Variants in RASGEF1C observed in about 807,000 individuals in gnomAD.
The protein encoded by RASGEF1C is RasGEF domain family member 1C.
RASGEF1C carries 27 observed loss-of-function variants against 58.1 expected under a neutral mutation model. The observed-to-expected ratio is 0.46, with a 90% confidence interval of 0.34 to 0.64. The LOEUF (loss-of-function observed/expected upper bound fraction) is 0.64. Ranked by LOEUF, RASGEF1C falls within the 30% of genes least tolerant of loss-of-function variation. RASGEF1C has a pLI of 0.01. For synonymous variants in RASGEF1C, 243 were observed against 246.3 expected, an observed-to-expected ratio of 0.99 and a Z score of 0.13; for missense variants, 502 against 605.1, an observed-to-expected ratio of 0.83 and a Z score of 1.79.
chr5:180,137,998 G>T lies in RASGEF1C; in HGVS notation c.55C>A (p.Pro19Thr). Reference protein sequence around the residue: ...DMVTPGSLSPPPTEPTDGEQA... With the variant: ...DMVTPGSLSPTPTEPTDGEQA... ...TCGCCATCTGTGGGCTCGGTGGGGG[G>T]TGGGCTGAGGCTGCCTGGGGTGACC... Residue 19 changes from proline (P) to threonine (T), a missense_variant, in exon 2 of 14, where the codon CCC becomes ACC. Pro to Thr is a conservative substitution (Grantham distance 38). Transcript: ENST00000361132. The surrounding 1 kb of genome is among the most constrained non-coding windows in gnomAD (Gnocchi z 4.1). 2 of 1,578,288 alleles carry T rather than the reference G, an allele frequency of 1.3e-6. No individual in the cohort carries two copies. The highest frequency in any genetic ancestry group is 1.7e-6 in the Non-Finnish European group (2 of 1,168,342).
intron 1 of RASGEF1C, among the ~76,000 whole-genome samples, chr5:180,162,003 T>G (rs1766951779): frequency 6.6e-6 from 1 of 152,228 alleles, no homozygotes; most frequent in Non-Finnish European, 1.5e-5. Flanking sequence ...AAAGCAAGTT[T>G]GAGACAAATT....
chr5:180,175,721 C>T (rs577580836), intron 1 of RASGEF1C, among the ~76,000 whole-genome samples: 133 of 152,340 alleles, frequency 8.7e-4, no homozygotes, highest in African/African-American at 3.1e-3. Flanking sequence ...TTCAAAGGGC[C>T]GGGCGCGGTG....
intron 1 of RASGEF1C, among the ~76,000 whole-genome samples, chr5:180,174,583 C>T (rs4700903): frequency 0.22 from 31,683 of 146,992 alleles, 3,310 homozygotes; most frequent in Admixed American, 0.23. Flanking sequence ...TCTGTGTGTG[C>T]GCACGTGTGT....
chr5:180,132,901 G>A (rs1332427922), intron 4 of RASGEF1C, among the ~76,000 whole-genome samples: 1 of 151,760 alleles, frequency 6.6e-6, no homozygotes, highest in Non-Finnish European at 1.5e-5. Context: ...CCCAGGAGGT[G>A]GTGGTGGCAG....
chr5:180,103,286 C>T (rs960996533), intron 12 of RASGEF1C, among the ~76,000 whole-genome samples: 4 of 152,162 alleles, frequency 2.6e-5, no homozygotes, highest in South Asian at 2.1e-4. Context: ...ACCGTGTTAG[C>T]CAGGATGGTC....
Position 180,156,640 on chromosome 5 carries a change from C to T in RASGEF1C, c.-6-18582G>A, listed in dbSNP as rs757595732. ...CTAAAAAATTAGCTGGGCATGGTGGCGTGCATCTGCAGTCCCAGCTACTTG... is the reference window on the plus strand; with the variant it reads ...CTAAAAAATTAGCTGGGCATGGTGGTGTGCATCTGCAGTCCCAGCTACTTG... On this transcript the variant is annotated intron_variant, in intron 1 of 13. Coordinates refer to ENST00000361132, the MANE Select transcript of RASGEF1C (RefSeq NM_175062.4). The surrounding 1 kb of genome is among the most constrained non-coding windows in gnomAD (Gnocchi z 4.9). Among the ~76,000 whole-genome samples the T allele has an allele frequency of 6.6e-6, 1 of 151,950 alleles. No individual in the cohort carries two copies. The highest frequency in any genetic ancestry group is 2.1e-4 in the South Asian group (1 of 4,814).
At chr5:180,167,231 C>T (rs1561748825) in intron 1 of RASGEF1C, among the ~76,000 whole-genome samples, 2 of 152,200 alleles carry the variant, frequency 1.3e-5, no homozygotes, top group Non-Finnish European at 2.9e-5. Context: ...GCTATTGTCC[C>T]CCAGAGGCCT....
intron 1 of RASGEF1C, among the ~76,000 whole-genome samples, chr5:180,172,720 G>A (rs1251545141): frequency 6.6e-6 from 1 of 152,088 alleles, no homozygotes; most frequent in Non-Finnish European, 1.5e-5. Context: ...GGGAGGCCAG[G>A]CCACCTCTGC....
intron 1 of RASGEF1C, among the ~76,000 whole-genome samples, chr5:180,157,406 G>C (rs1470789286): frequency 6.6e-6 from 1 of 152,060 alleles, no homozygotes; most frequent in Non-Finnish European, 1.5e-5. Flanking sequence ...CGGATCACCT[G>C]AGGTCGGGAG....
chr5:180,155,472 T>C lies in RASGEF1C; in HGVS notation c.-6-17414A>G, dbSNP rs949518381. Among the ~76,000 whole-genome samples the C allele has an allele frequency of 2.6e-5, 4 of 152,078 alleles. No individual in the cohort carries two copies. Among genetic ancestry groups the C allele is most frequent in the Admixed American group, 6.6e-5 (1 of 15,262 alleles). On this transcript the variant is annotated intron_variant, in intron 1 of 13. Coordinates refer to ENST00000361132, the MANE Select transcript of RASGEF1C (RefSeq NM_175062.4). The surrounding 1 kb of genome is among the most constrained non-coding windows in gnomAD (Gnocchi z 5.2). ...TTCAGGAGGGCAACGCGCTTGGCTGTGAGGGGAGGATTGGCCTGAGTTATT... is the reference window on the plus strand; with the variant it reads ...TTCAGGAGGGCAACGCGCTTGGCTGCGAGGGGAGGATTGGCCTGAGTTATT...
chr5:180,206,621 G>T (rs1172440244), intron 1 of RASGEF1C, among the ~76,000 whole-genome samples: 1 of 152,036 alleles, frequency 6.6e-6, no homozygotes, highest in Non-Finnish European at 1.5e-5. Flanking sequence ...TAACAATATA[G>T]GTGCAAAGTT....
At chr5:180,192,692 T>C (rs187786099) in intron 1 of RASGEF1C, among the ~76,000 whole-genome samples, 340 of 152,172 alleles carry the variant, frequency 2.2e-3, no homozygotes, top group Middle Eastern at 6.8e-3. Flanking sequence ...GTAGAAATGA[T>C]AATAGGTTGG....
In RASGEF1C at chr5:180,203,849, C is replaced by T. The variant is rs555104109; in HGVS notation, c.-7+5179G>A. 1.5e-4 allele frequency among the ~76,000 whole-genome samples: 23 copies of T among 152,070 alleles called. No homozygotes were observed. In the South Asian group the frequency reaches 2.5e-3, roughly 17 times the overall value. Reference sequence around the variant, plus strand: ...ATCTCTACCAAAAATATAACTTAACCGGGCATGGTGGTGCACGCCTGTAAT... The same window carrying T: ...ATCTCTACCAAAAATATAACTTAACTGGGCATGGTGGTGCACGCCTGTAAT... On this transcript the variant is annotated intron_variant, in intron 1 of 13. Transcript: ENST00000361132.
chr5:180,128,548 G>A lies in RASGEF1C; in HGVS notation c.501C>T (p.Arg167=). Reference sequence around the variant, plus strand: ...CACCCACCAGACCTTCTGGCCCCTGGCGCAGAGCCGCCAGCTTCTGGTGCA... The same window carrying A: ...CACCCACCAGACCTTCTGGCCCCTGACGCAGAGCCGCCAGCTTCTGGTGCA... ...QALHQKLAAL[R]QGPEGLVGAD... is the part of the protein sequence containing the mutation. Residue 167 remains arginine, a synonymous_variant, in exon 5 of 14, where the codon CGC becomes CGT. Coordinates refer to ENST00000361132, the MANE Select transcript of RASGEF1C (RefSeq NM_175062.4). 1 of 1,614,108 alleles carries A rather than the reference G, an allele frequency of 6.2e-7. No individual in the cohort carries two copies. Among genetic ancestry groups the A allele is most frequent in the African/African-American group, 1.3e-5 (1 of 75,050 alleles).
chr5:180,171,237 G>A (rs1450599982), intron 1 of RASGEF1C, among the ~76,000 whole-genome samples: 5 of 152,036 alleles, frequency 3.3e-5, no homozygotes, highest in Non-Finnish European at 7.4e-5. Flanking sequence ...AGCTGCAGGA[G>A]CCCGGGACTT....
Position 180,120,919 on chromosome 5 carries a change from T to G in RASGEF1C, c.804+141A>C, listed in dbSNP as rs1038223212. 4 of 629,754 alleles carry G rather than the reference T, an allele frequency of 6.4e-6. No individual in the cohort carries two copies. In the African/African-American group the frequency reaches 7.3e-5, roughly 11 times the overall value. 39.0% of individuals were successfully genotyped at this position (629,754 alleles called of 1,614,324 possible). ...GGAAAGCTGGTGTCACCTGGAGTCC[T>G]GGAGGGGTGCCCAGCCTGGCCTTGG... On this transcript the variant is annotated intron_variant, in intron 7 of 13. Coordinates refer to ENST00000361132, the MANE Select transcript of RASGEF1C (RefSeq NM_175062.4).
In RASGEF1C at chr5:180,101,378, C is replaced by A; in HGVS notation, c.*123G>T. The A allele has an allele frequency of 1.7e-6, 2 of 1,170,322 alleles. No homozygotes were observed. Among genetic ancestry groups the A allele is most frequent in the Non-Finnish European group, 1.2e-6 (1 of 819,118 alleles). The allele number at this position is 1,170,322 out of a possible 1,614,324, so 72.5% of individuals were successfully genotyped here. Reference sequence around the variant, plus strand: ...GGGGGGGGGGGGGCGGGCAGCAGGCCACAGGGTCGGCATTTGCAAAATAGT... The same window carrying A: ...GGGGGGGGGGGGGCGGGCAGCAGGCAACAGGGTCGGCATTTGCAAAATAGT... On this transcript the variant is annotated 3_prime_UTR_variant, in exon 14 of 14. Transcript: ENST00000361132.
intron 11 of RASGEF1C, among the ~76,000 whole-genome samples, chr5:180,113,494 CCGGGGATGGACGGAGGGAT>C (rs1766005055): frequency 3.2e-5 from 1 of 30,946 alleles, no homozygotes; most frequent in Non-Finnish European, 6.8e-5. Context: ...GACGGAGGGA[CCGGGGATGGACGGAGGGAT>C]CGGGGATGGA....
At position 180,197,300 on chromosome 5, in the gene RASGEF1C, G is replaced by C. The variant is rs577429100; in HGVS notation, c.-7+11728C>G. ...GGGAGCCCGAACCCTGGGACGGCAG[G>C]GGGAAGCAATGGCGGGATCCAGGGT... is the stretch of plus-strand genomic sequence containing the variant. On this transcript the variant is annotated intron_variant, in intron 1 of 13. Coordinates refer to ENST00000361132, the MANE Select transcript of RASGEF1C (RefSeq NM_175062.4). The surrounding 1 kb of genome is among the most constrained non-coding windows in gnomAD (Gnocchi z 4.7). Among the ~76,000 whole-genome samples the C allele has an allele frequency of 6.6e-6, 1 of 152,342 alleles. No homozygotes were observed. The highest frequency in any genetic ancestry group is 2.1e-4 in the South Asian group (1 of 4,828).
Sources: gnomAD v4.1 joint callset for allele counts (sites outside exome capture counted in the v4.1 genomes callset) on GRCh38, gnomAD v4.1.1 for gene constraint, Gnocchi (gnomAD v3.1) non-coding constraint, MANE v1.5 for transcripts, NCBI Gene and HGNC (gene_info 2026-07-23, HGNC 2026-07-21) for gene names.